Variants in ROS1 observed in about 807,000 individuals in gnomAD.
The protein encoded by ROS1 is proto-oncogene tyrosine-protein kinase ROS.
ROS1 carries 263 observed loss-of-function variants against 273.5 expected under a neutral mutation model. The ratio of observed to expected loss-of-function variants is 0.96; its 90% CI spans 0.87 to 1.06. The LOEUF (loss-of-function observed/expected upper bound fraction) is 1.06. ROS1 is among the 50% of genes least tolerant of loss of function. The pLI, the probability that ROS1 is intolerant of heterozygous loss-of-function variation, is 0.00. For synonymous variants in ROS1, 1,008 were observed against 954.1 expected, an observed-to-expected ratio of 1.06 and a Z score of -1.04; for missense variants, 2,833 against 2,751.1, an observed-to-expected ratio of 1.03 and a Z score of -0.67.
At chr6:117,363,903 G>A (rs568375311) in intron 21 of ROS1, among the ~76,000 whole-genome samples, 3 of 152,064 alleles carry the variant, frequency 2.0e-5, no homozygotes, top group Non-Finnish European at 4.4e-5. Flanking sequence ...CCCATATCTA[G>A]TACAGAACTG....
At chr6:117,393,067 C>T (rs1037650097) in intron 12 of ROS1, among the ~76,000 whole-genome samples, 157 bp downstream of exon 12, 2 of 152,140 alleles carry the variant, frequency 1.3e-5, no homozygotes, top group African/African-American at 4.8e-5. Flanking sequence ...CCTGGCTCTA[C>T]AGAATGAAAA....
At chr6:117,347,064 T>C (rs1473066158) in intron 27 of ROS1, among the ~76,000 whole-genome samples, 2 of 152,190 alleles carry the variant, frequency 1.3e-5, no homozygotes, top group Admixed American at 6.6e-5. Context: ...TGCCTCTCCA[T>C]ATAAACTTTA....
chr6:117,379,068 C>A lies in ROS1; in HGVS notation c.2573G>T (p.Arg858Leu), dbSNP rs142979736. The A allele has an allele frequency of 2.5e-6, 4 of 1,606,484 alleles. No individual in the cohort carries two copies. Among genetic ancestry groups the A allele is most frequent in the South Asian group, 1.1e-5 (1 of 90,064 alleles). The change falls in exon 18 of 44, where the codon CGG becomes CTG. Residue 858 changes from arginine to leucine, a missense_variant. Transcript: ENST00000368507. ...GAGGGACTCTACTTACCTCTGTCCC[C>A]GAAGAACAGCTGTGTACAGGTGAAT... ...QCIHLYTAVLRGQSTGDTTIT... is the reference protein window; with the variant it reads ...QCIHLYTAVLLGQSTGDTTIT...
In ROS1 at chr6:117,310,980, C is replaced by G. The variant is rs938464183; in HGVS notation, c.6215+40G>C. ...CCTGCACTACAGGTGATTATTGTGC[C>G]AATATCCGTAATAACCCTGTATCCA... On this transcript the variant is annotated intron_variant, in intron 40 of 43. Coordinates refer to ENST00000368507, the MANE Select transcript of ROS1 (RefSeq NM_001378902.1). The G allele has an allele frequency of 8.6e-6, 11 of 1,277,518 alleles. No homozygotes were observed. The South Asian group carries it at 1.4e-4, about 16-fold the overall frequency. The allele number at this position is 1,277,518 out of a possible 1,614,324, so 79.1% of individuals were successfully genotyped here. A position where few individuals can be genotyped will look rare whatever the true frequency, so the allele number is the denominator to read the frequency against.
intron 29 of ROS1, 136 bp downstream of exon 29, chr6:117,342,264 C>T (rs1190211895): frequency 2.5e-6 from 2 of 807,000 alleles, no homozygotes; most frequent in South Asian, 1.8e-5. Context: ...TTTCTACAAA[C>T]ACATTTTTCT....
intron 8 of ROS1, among the ~76,000 whole-genome samples, 192 bp downstream of exon 8, chr6:117,396,723 T>A (rs898321726): frequency 6.6e-6 from 1 of 152,182 alleles, no homozygotes; most frequent in East Asian, 1.9e-4. Flanking sequence ...CTTGAGAATG[T>A]TTTTGCTTAG....
At chr6:117,365,889 CT>C in intron 19 of ROS1, 148 bp from the exon 20 acceptor site, 1 of 898,044 alleles carries the variant, frequency 1.1e-6, no homozygotes, top group Non-Finnish European at 1.6e-6. Context: ...AAAAAATCAT[CT>C]TTTTCTGACT....
chr6:117,347,104 C>T lies in ROS1; in HGVS notation c.4304-2842G>A, dbSNP rs11963046. Among the ~76,000 whole-genome samples the T allele has an allele frequency of 9.4e-3, 1,436 of 152,150 alleles. 24 individuals carry two copies. The highest frequency in any genetic ancestry group is 0.032 in the African/African-American group (1,323 of 41,512). ...CAGTTTGTTAATATCTACAAAATAA[C>T]TTTAGCTGGGATTTTCATTGGGATT... On this transcript the variant is annotated intron_variant, in intron 27 of 43. Transcript: ENST00000368507.
At chr6:117,391,697 G>A (rs1331715437) in intron 12 of ROS1, among the ~76,000 whole-genome samples, 2 of 152,188 alleles carry the variant, frequency 1.3e-5, no homozygotes, top group African/African-American at 2.4e-5. Flanking sequence ...GAGATGGTTA[G>A]AAGACAGGCC....
In ROS1 at chr6:117,356,798, C is replaced by T. The variant is rs1779352678; in HGVS notation, c.3957G>A (p.Arg1319=). The change falls in exon 26 of 44, where the codon AGG becomes AGA. Residue 1319 remains arginine (R), a synonymous_variant. Coordinates refer to ENST00000368507, the MANE Select transcript of ROS1 (RefSeq NM_001378902.1). The part of the protein sequence containing the change: ...QPTATNQQNK[R]NQCSCNVTEF... ...CAGTCACATTACAAGAACATTGATTCCTTTTGTTTTGTTGGTTTGTAGCTG... is the reference window on the plus strand; with the variant it reads ...CAGTCACATTACAAGAACATTGATTTCTTTTGTTTTGTTGGTTTGTAGCTG... The T allele has an allele frequency of 6.2e-7, 1 of 1,614,070 alleles. No homozygotes were observed. Among genetic ancestry groups the T allele is most frequent in the Non-Finnish European group, 8.5e-7 (1 of 1,180,004 alleles).
intron 18 of ROS1, among the ~76,000 whole-genome samples, chr6:117,369,628 G>A (rs1391476508): frequency 6.6e-6 from 1 of 152,078 alleles, no homozygotes; most frequent in African/African-American, 2.4e-5. Flanking sequence ...TGCAGAGAAT[G>A]GACTATGATC....
rs200795847 is a variant in ROS1 at position 117,420,595 on chromosome 6, A to AAATAAT, written c.124-2095_124-2090dup. Reference sequence around the variant, plus strand: ...TAAAGTATAATAATAATAAAATTTTAAATAATAATAATAATAATAATAATA... The same window carrying AAATAAT: ...TAAAGTATAATAATAATAAAATTTTAAATAATAATAATAATAATAATAATAATAATA... On this transcript the variant is annotated intron_variant, in intron 1 of 43. Coordinates refer to ENST00000368507, the MANE Select transcript of ROS1 (RefSeq NM_001378902.1). Among the ~76,000 whole-genome samples, 48 of 148,872 alleles carry AAATAAT rather than the reference A, an allele frequency of 3.2e-4. No homozygotes were observed. The East Asian group carries it at 4.5e-3, about 14-fold the overall frequency.
chr6:117,425,857 A>T lies in ROS1; in HGVS notation c.-201T>A, dbSNP rs866714586. 2.8e-4 allele frequency: 141 copies of T among 507,894 alleles called. No homozygotes were observed. The highest frequency in any genetic ancestry group is 1.5e-3 in the Middle Eastern group (3 of 1,986). 31.5% of individuals were successfully genotyped at this position (507,894 alleles called of 1,614,324 possible). A position where few individuals can be genotyped will look rare whatever the true frequency, so the allele number is the denominator to read the frequency against. ...GACCTTTGAATGCTTGAAAGCTTGT[A>T]ACAGTTCCATAAGAGCTATTTCATA... On this transcript the variant is annotated 5_prime_UTR_variant, in exon 1 of 44. The change creates a premature stop within an existing upstream ORF in the 5' untranslated region. Transcript: ENST00000368507.
intron 29 of ROS1, 75 bp from the exon 30 acceptor site, chr6:117,341,707 G>T: frequency 1.8e-6 from 2 of 1,104,018 alleles, no homozygotes; most frequent in Non-Finnish European, 2.7e-6. Context: ...TGGAGTTTGG[G>T]TTGAAGAGTA....
chr6:117,318,299 TGTGAGCTCA>T (rs1776060968), intron 37 of ROS1, 47 bp from the exon 38 acceptor site: 1 of 1,409,382 alleles, frequency 7.1e-7, no homozygotes, highest in Admixed American at 1.7e-5. Context: ...CAGACATTTC[TGTGAGCTCA>T]GTGGGTTAAT....
intron 32 of ROS1, among the ~76,000 whole-genome samples, chr6:117,333,813 C>G (rs1777270131): frequency 6.6e-6 from 1 of 152,090 alleles, no homozygotes; most frequent in South Asian, 2.1e-4. Flanking sequence ...GTTAAAAACT[C>G]TCAATAAACT....
At position 117,412,629 on chromosome 6, in the gene ROS1, TA is replaced by T. The variant is rs1353679496; in HGVS notation, c.255+1889del. 2.2e-3 allele frequency among the ~76,000 whole-genome samples: 318 copies of T among 145,656 alleles called. 4 individuals carry two copies. Among genetic ancestry groups the T allele is most frequent in the African/African-American group, 7.8e-3 (311 of 39,836 alleles). On this transcript the variant is annotated intron_variant, in intron 4 of 43. Coordinates refer to ENST00000368507, the MANE Select transcript of ROS1 (RefSeq NM_001378902.1). Reference sequence around the variant, plus strand: ...ACAGATAGATAGATAGATAGATAGATAGATATACACATAGCATGTATTCCTG... The same window carrying T: ...ACAGATAGATAGATAGATAGATAGATGATATACACATAGCATGTATTCCTG...
Position 117,356,686 on chromosome 6 carries a change from C to T in ROS1, c.4069G>A (p.Ala1357Thr). 1 of 1,613,972 alleles carries T rather than the reference C, an allele frequency of 6.2e-7. No homozygotes were observed. The highest frequency in any genetic ancestry group is 8.5e-7 in the Non-Finnish European group (1 of 1,180,008). ...IYFAKAQEIW[A>T]MDLEGCQCWR... ...CACTGACAGCCTTCCAGATCCATTG[C>T]CCAGATCTCTTGTGCTTTGGCAAAG... is the stretch of plus-strand genomic sequence containing the variant. The change falls in exon 26 of 44, where the codon GCA (alanine) becomes ACA (threonine). Residue 1357 changes from alanine to threonine, a missense_variant. By Grantham distance (58) the Ala-to-Thr change is moderately conservative. Transcript: ENST00000368507.
intron 38 of ROS1, among the ~76,000 whole-genome samples, 158 bp downstream of exon 38, chr6:117,318,030 T>C (rs984200697): frequency 6.6e-5 from 10 of 152,262 alleles, no homozygotes; most frequent in African/African-American, 2.4e-4. Context: ...GATTGGCCTC[T>C]ATAGACTACT....
Sources: allele counts gnomAD v4.1 joint callset (sites outside exome capture counted in the v4.1 genomes callset), GRCh38; gene constraint gnomAD v4.1.1; transcripts MANE v1.5; gene names NCBI Gene and HGNC (gene_info 2026-07-23, HGNC 2026-07-21).